Variants in DISP3 observed in about 807,000 individuals in gnomAD.
The protein encoded by DISP3 is dispatched RND transporter family member 3.
Under a neutral mutation model 135.3 loss-of-function variants are expected in DISP3, and 101 were observed. The observed-to-expected ratio is 0.75, with a 90% CI of 0.64 to 0.88. The LOEUF (loss-of-function observed/expected upper bound fraction) is 0.88. Among genes scored for constraint, DISP3 ranks in the 40% least tolerant of loss-of-function variants. The pLI, the probability that DISP3 is intolerant of heterozygous loss-of-function variation, is 0.00. For missense variants in DISP3, 1,713 were observed against 1,878.6 expected (o/e 0.91, Z 1.63); for synonymous variants, 856 against 817.0 (o/e 1.05, Z -0.81).
At chr1:11,480,431 C>G (rs187710576) in intron 1 of DISP3, among the ~76,000 whole-genome samples, 1 of 152,144 alleles carries the variant, frequency 6.6e-6, no homozygotes, top group Non-Finnish European at 1.5e-5. Flanking sequence ...AATCCTCAGG[C>G]GCACACAATC....
In DISP3 at chr1:11,535,276, T is replaced by C; in HGVS notation, c.3649+152T>C. On this transcript the variant is annotated intron_variant, in intron 19 of 20. Transcript: ENST00000294484. ...GACTGTCTCTCCTGCATGTCTGTGC[T>C]CCTGAGCAGAGCCGGGGTACCCAGG... 5 of 1,025,796 alleles carry C rather than the reference T, an allele frequency of 4.9e-6. No homozygotes were observed. The Admixed American group carries it at 1.2e-4, about 24-fold the overall frequency. 63.5% of individuals were successfully genotyped at this position (1,025,796 alleles called of 1,614,324 possible).
intron 1 of DISP3, among the ~76,000 whole-genome samples, chr1:11,486,360 G>C (rs1641035822): frequency 6.6e-6 from 1 of 152,186 alleles, no homozygotes; most frequent in Non-Finnish European, 1.5e-5. Flanking sequence ...AGGCTTTGGA[G>C]AAGTGTCAGC....
Position 11,516,794 on chromosome 1 carries a change from G to A in DISP3, c.1749+633G>A, listed in dbSNP as rs986953067. Among the ~76,000 whole-genome samples, 3 of 152,162 alleles carry A rather than the reference G, an allele frequency of 2.0e-5. No homozygotes were observed. The highest frequency in any genetic ancestry group is 2.9e-5 in the Non-Finnish European group (2 of 68,026). On this transcript the variant is annotated intron_variant, in intron 6 of 20. Coordinates refer to ENST00000294484, the MANE Select transcript of DISP3 (RefSeq NM_020780.2). The surrounding 1 kb of genome is among the most constrained non-coding windows in gnomAD (Gnocchi z 5.1). The stretch of plus-strand genomic sequence containing the variant: ...CAGTAGATGCTTTAGGATTATCCAG[G>A]TCCTTCTAGAGAATCACTTCTAGAA...
intron 1 of DISP3, among the ~76,000 whole-genome samples, chr1:11,484,925 C>G (rs1035022045): frequency 3.3e-5 from 5 of 152,170 alleles, no homozygotes; most frequent in Non-Finnish European, 5.9e-5. Flanking sequence ...ATCTCACAAG[C>G]ATCTGCCTGA....
chr1:11,520,976 G>A lies in DISP3; in HGVS notation c.2362+128G>A, dbSNP rs1642171049. The A allele has an allele frequency of 1.7e-6, 2 of 1,152,336 alleles. No homozygotes were observed. The highest frequency in any genetic ancestry group is 2.4e-6 in the Non-Finnish European group (2 of 837,384). The allele number at this position is 1,152,336 out of a possible 1,614,324, so 71.4% of individuals were successfully genotyped here. ...CCTCAGGCAAATCCCACTCCCCTCTGAGCCCCCATGTTCCCACAGTTCATT... is the reference window on the plus strand; with the variant it reads ...CCTCAGGCAAATCCCACTCCCCTCTAAGCCCCCATGTTCCCACAGTTCATT... On this transcript the variant is annotated intron_variant, in intron 10 of 20. Transcript: ENST00000294484. The surrounding 1 kb of genome is among the most constrained non-coding windows in gnomAD (Gnocchi z 4.8).
chr1:11,524,416 C>G (rs1642346889), intron 11 of DISP3, among the ~76,000 whole-genome samples: 1 of 151,972 alleles, frequency 6.6e-6, no homozygotes, highest in African/African-American at 2.4e-5. Context: ...GGAATGAATG[C>G]CCCATCAGGC....
intron 1 of DISP3, among the ~76,000 whole-genome samples, chr1:11,493,113 A>C (rs1455209504): frequency 1.3e-5 from 2 of 152,336 alleles, no homozygotes; most frequent in East Asian, 3.9e-4. Flanking sequence ...ATGGAGGCTG[A>C]GAAGCCCCAA....
intron 10 of DISP3, among the ~76,000 whole-genome samples, chr1:11,522,660 GA>G (rs1369125604): frequency 1.0e-4 from 14 of 134,242 alleles, no homozygotes; most frequent in Non-Finnish European, 1.6e-4. Context: ...GGCCCAGCCA[GA>G]GCCCAGCCAG....
At chr1:11,522,661 A>ACCCAGCCAGG (rs1642249865) in intron 10 of DISP3, among the ~76,000 whole-genome samples, 1 of 43,220 alleles carries the variant, frequency 2.3e-5, no homozygotes, top group Non-Finnish European at 4.6e-5. Context: ...GCCCAGCCAG[A>ACCCAGCCAGG]GCCCAGCCAG....
At chr1:11,492,565 C>G (rs776257000) in intron 1 of DISP3, among the ~76,000 whole-genome samples, 2 of 152,210 alleles carry the variant, frequency 1.3e-5, no homozygotes, top group Non-Finnish European at 2.9e-5. Flanking sequence ...TCCCCACCCC[C>G]ACCTGGGCTT....
chr1:11,524,420 A>G (rs1642346943), intron 11 of DISP3, among the ~76,000 whole-genome samples: 1 of 151,954 alleles, frequency 6.6e-6, no homozygotes, highest in Non-Finnish European at 1.5e-5. Flanking sequence ...TGAATGCCCC[A>G]TCAGGCAGCT....
In DISP3 at chr1:11,531,928, G is replaced by A. The variant is rs549070633; in HGVS notation, c.3375+218G>A. Among the ~76,000 whole-genome samples the A allele has an allele frequency of 7.2e-5, 11 of 152,318 alleles. No individual in the cohort carries two copies. In the South Asian group the frequency reaches 1.9e-3, roughly 26 times the overall value. On this transcript the variant is annotated intron_variant, in intron 17 of 20. Transcript: ENST00000294484. This position sits in a 1 kb window ranked among gnomAD's most constrained non-coding sequence, Gnocchi z 5.2. ...GCCCTTTCTTCCCCATGGGCGGCCT[G>A]CCAGTTCCCTTCCACCCACCTTTCC...
chr1:11,537,289 C>A lies in DISP3; in HGVS notation c.*603C>A, dbSNP rs1026623951. ...AATGGCCCTGTGGCCCTCCCTGGGC[C>A]TTTTGGTCTTGGCCAGAGAAGACAG... On this transcript the variant is annotated 3_prime_UTR_variant, in exon 21 of 21. Transcript: ENST00000294484. 3 of 152,522 alleles carry A rather than the reference C, an allele frequency of 2.0e-5. No individual in the cohort carries two copies. The highest frequency in any genetic ancestry group is 7.2e-5 in the African/African-American group (3 of 41,432). 9.4% of individuals were successfully genotyped at this position (152,522 alleles called of 1,614,324 possible). A position where few individuals can be genotyped will look rare whatever the true frequency, so the allele number is the denominator to read the frequency against.
intron 1 of DISP3, among the ~76,000 whole-genome samples, chr1:11,496,290 C>T (rs1570073191): frequency 6.6e-6 from 1 of 152,274 alleles, no homozygotes; most frequent in African/African-American, 2.4e-5. Flanking sequence ...CGTGGATATG[C>T]ATCCACCTTG....
intron 13 of DISP3, 25 bp downstream of exon 13, chr1:11,526,860 G>C (rs751555921): frequency 3.2e-6 from 5 of 1,587,056 alleles, no homozygotes; most frequent in Non-Finnish European, 4.3e-6. Flanking sequence ...CAGACAAGCC[G>C]GTGCCCATCA....
At chr1:11,490,884 T>C (rs575762711) in intron 1 of DISP3, among the ~76,000 whole-genome samples, 1 of 152,300 alleles carries the variant, frequency 6.6e-6, no homozygotes, top group South Asian at 2.1e-4. Flanking sequence ...AGACACACAG[T>C]AGTGCTCAAT....
At position 11,516,425 on chromosome 1, in the gene DISP3, T is replaced by A. The variant is rs1642014861; in HGVS notation, c.1749+264T>A. On this transcript the variant is annotated intron_variant, in intron 6 of 20. Coordinates refer to ENST00000294484, the MANE Select transcript of DISP3 (RefSeq NM_020780.2). This position sits in a 1 kb window ranked among gnomAD's most constrained non-coding sequence, Gnocchi z 5.1. ...CTCCACCCTGGAGGACATTTGGCAG[T>A]TTCCAAAGCTCTTTCTCGTTTAATC... Among the ~76,000 whole-genome samples, 1 of 152,222 alleles carries A rather than the reference T, an allele frequency of 6.6e-6. No individual in the cohort carries two copies. The highest frequency in any genetic ancestry group is 1.5e-5 in the Non-Finnish European group (1 of 68,038).
rs550313021 is a variant in DISP3, at chr1:11,491,168, G to A, written c.-3-9822G>A. 4.2e-4 allele frequency among the ~76,000 whole-genome samples: 64 copies of A among 152,318 alleles called. No individual in the cohort carries two copies. The highest frequency in any genetic ancestry group is 1.5e-3 in the African/African-American group (61 of 41,566). ...ACCTCCAGGGACACATGTGAGCCAC[G>A]GTGGAGGGATGTGGGGAGGCCAAGG... On this transcript the variant is annotated intron_variant, in intron 1 of 20. Transcript: ENST00000294484. The surrounding 1 kb of genome is among the most constrained non-coding windows in gnomAD (Gnocchi z 4.3).
intron 1 of DISP3, among the ~76,000 whole-genome samples, chr1:11,479,892 A>G (rs1302636984): frequency 3.3e-5 from 5 of 150,444 alleles, no homozygotes; most frequent in Non-Finnish European, 7.4e-5. Context: ...ACCTGGCTGC[A>G]GGTCCGGCCG....
Sources: gnomAD v4.1 joint callset for allele counts (sites outside exome capture counted in the v4.1 genomes callset) on GRCh38, gnomAD v4.1.1 for gene constraint, Gnocchi (gnomAD v3.1) non-coding constraint, MANE v1.5 for transcripts, NCBI Gene and HGNC (gene_info 2026-07-23, HGNC 2026-07-21) for gene names.